LOC128462377: variants seen among roughly 807,000 people sequenced by gnomAD.
At chr16:89,338,281 T>C in the LOC128462377 span, among the ~76,000 whole-genome samples, 3 of 152,172 alleles carry the variant, frequency 2.0e-5, no homozygotes, top group African/African-American at 7.2e-5. Flanking sequence ...CTCCAGGATG[T>C]GGGTCTCTGT....
At chr16:89,408,459 C>G in the LOC128462377 span, among the ~76,000 whole-genome samples, 4 of 152,234 alleles carry the variant, frequency 2.6e-5, no homozygotes, top group African/African-American at 9.6e-5. Context: ...TCACCCTGAC[C>G]CTGAGCGTGG....
the LOC128462377 span, among the ~76,000 whole-genome samples, chr16:89,379,967 T>G: frequency 1.3e-5 from 2 of 152,178 alleles, no homozygotes; most frequent in Non-Finnish European, 2.9e-5. Context: ...TCATCTCTAT[T>G]TACCAAACAC....
chr16:89,330,391 C>T, the LOC128462377 span, among the ~76,000 whole-genome samples: 2 of 151,986 alleles, frequency 1.3e-5, no homozygotes, highest in Admixed American at 6.6e-5. Flanking sequence ...GGCTGCTTCC[C>T]AGGTGGCCGC....
chr16:89,418,109 C>T, the LOC128462377 span, among the ~76,000 whole-genome samples: 1 of 152,204 alleles, frequency 6.6e-6, no homozygotes, highest in Non-Finnish European at 1.5e-5. Flanking sequence ...AAATGCTTAC[C>T]TGTTACCACT....
the LOC128462377 span, chr16:89,325,174 T>A: frequency 6.6e-6 from 1 of 152,376 alleles, no homozygotes; most frequent in African/African-American, 2.4e-5. Flanking sequence ...GTTTGCGGCG[T>A]GCCACTAGGA....
the LOC128462377 span, among the ~76,000 whole-genome samples, chr16:89,387,872 G>A: frequency 6.6e-6 from 1 of 151,102 alleles, no homozygotes; most frequent in African/African-American, 2.4e-5. Context: ...AGGCGTGGTG[G>A]TGGGTGGTGG....
the LOC128462377 span, among the ~76,000 whole-genome samples, chr16:89,341,550 T>C: frequency 2.0e-5 from 3 of 152,004 alleles, no homozygotes; most frequent in South Asian, 6.2e-4. Context: ...AAGCTGTAAA[T>C]AGAGGATAAT....
chr16:89,380,596 TG>T, the LOC128462377 span, among the ~76,000 whole-genome samples: 1 of 152,202 alleles, frequency 6.6e-6, no homozygotes, highest in Non-Finnish European at 1.5e-5. Context: ...AAGCATTTTT[TG>T]TGTAATGCCA....
chr16:89,412,854 C>A, the LOC128462377 span, among the ~76,000 whole-genome samples: 11 of 152,294 alleles, frequency 7.2e-5, no homozygotes, highest in Non-Finnish European at 1.3e-4. Flanking sequence ...CTCAGTCCCC[C>A]AGCAGGACCT....
the LOC128462377 span, among the ~76,000 whole-genome samples, chr16:89,344,022 G>A: frequency 1.3e-5 from 2 of 151,948 alleles, no homozygotes; most frequent in Non-Finnish European, 2.9e-5. Context: ...CGGTGCAGGC[G>A]GCCAGCCACT....
the LOC128462377 span, among the ~76,000 whole-genome samples, chr16:89,335,367 G>A: frequency 4.6e-5 from 7 of 152,212 alleles, no homozygotes; most frequent in African/African-American, 1.7e-4. Flanking sequence ...AGGCATCCGT[G>A]AGTCCCACAG....
chr16:89,394,385 T>C, the LOC128462377 span, among the ~76,000 whole-genome samples: 1 of 152,160 alleles, frequency 6.6e-6, no homozygotes, highest in East Asian at 1.9e-4. Flanking sequence ...TCCCAGCACT[T>C]TGGGAGGCCA....
At chr16:89,336,065 A>C in the LOC128462377 span, among the ~76,000 whole-genome samples, 73,294 of 152,186 alleles carry the variant, frequency 0.48, 17,841 homozygotes, top group Middle Eastern at 0.6. Context: ...TATTCCTGCC[A>C]GTTGGTTTGA....
At chr16:89,406,592 G>A in the LOC128462377 span, among the ~76,000 whole-genome samples, 1 of 152,220 alleles carries the variant, frequency 6.6e-6, no homozygotes, top group Non-Finnish European at 1.5e-5. Flanking sequence ...CTTATGGTCT[G>A]GGTGGGGACA....
chr16:89,324,717 T>G, the LOC128462377 span: 1 of 330,230 alleles, frequency 3.0e-6, no homozygotes, highest in Admixed American at 4.2e-5. Context: ...GCTTTTGGGT[T>G]CTTGGACCTA....
the LOC128462377 span, among the ~76,000 whole-genome samples, chr16:89,411,838 T>G: frequency 6.6e-6 from 1 of 152,210 alleles, no homozygotes; most frequent in South Asian, 2.1e-4. Context: ...CAGCAGAACT[T>G]GAGGAATCCA....
chr16:89,372,293 C>T, the LOC128462377 span, among the ~76,000 whole-genome samples: 11 of 152,230 alleles, frequency 7.2e-5, no homozygotes, highest in Non-Finnish European at 1.0e-4. Context: ...GGCTCTGGGG[C>T]AGGCGGAGGC....
the LOC128462377 span, chr16:89,323,271 CCTA>C: frequency 7.8e-7 from 1 of 1,285,026 alleles, no homozygotes; most frequent in South Asian, 1.2e-5. Flanking sequence ...ACCTGGCAGG[CCTA>C]CTGTGTGCAA....
At chr16:89,402,855 G>A in the LOC128462377 span, among the ~76,000 whole-genome samples, 1 of 151,516 alleles carries the variant, frequency 6.6e-6, no homozygotes, top group Middle Eastern at 3.4e-3. Flanking sequence ...GGGCGGGGTG[G>A]GGCCTGCAGA....
Sources: gnomAD v4.1 joint callset for allele counts (sites outside exome capture counted in the v4.1 genomes callset) on GRCh38, gnomAD v4.1.1 for gene constraint, MANE v1.5 for transcripts.